The following CACNG7 variants were observed in gnomAD, a reference collection of about 807,000 sequenced individuals.
CACNG7 encodes the protein voltage-dependent calcium channel gamma-7 subunit.
CACNG7 carries 9 observed loss-of-function variants against 26.3 expected under a neutral mutation model. The observed-to-expected ratio is 0.34, with a 90% CI of 0.21 to 0.60. The LOEUF is 0.60. Ranked by LOEUF, CACNG7 falls within the 20% of genes least tolerant of loss-of-function variation. The pLI, the probability that CACNG7 is intolerant of heterozygous loss-of-function variation, is 0.81. For synonymous variants in CACNG7, 170 were observed against 157.0 expected, an observed-to-expected ratio of 1.08 and a Z score of -0.62; for missense variants, 297 against 380.4, an observed-to-expected ratio of 0.78 and a Z score of 1.82.
chr19:53,920,315 G>A (rs1215417835), intron 4 of CACNG7, among the ~76,000 whole-genome samples: 2 of 118,226 alleles, frequency 1.7e-5, no homozygotes, highest in Non-Finnish European at 3.4e-5. Flanking sequence ...CTGGTCATTG[G>A]TGGAGTTGCC....
intron 4 of CACNG7, among the ~76,000 whole-genome samples, chr19:53,922,341 C>T (rs1399558512): frequency 1.0e-5 from 1 of 95,858 alleles, no homozygotes; most frequent in Non-Finnish European, 2.1e-5. Context: ...GAGTTGTCCC[C>T]AGGCCTGGTC....
intron 1 of CACNG7, among the ~76,000 whole-genome samples, chr19:53,910,527 G>C (rs1172808908): frequency 6.6e-6 from 1 of 152,128 alleles, no homozygotes; most frequent in Non-Finnish European, 1.5e-5. Flanking sequence ...TAGTTTGTAG[G>C]GGAGAATGTT....
chr19:53,942,175 G>A lies in CACNG7; in HGVS notation c.710G>A (p.Trp237Ter). The change falls in exon 6 of 6, where the codon TGG becomes TAG. Residue 237 changes from tryptophan (W) to a stop codon, truncating the protein, a stop_gained. Coordinates refer to ENST00000391767, the MANE Select transcript of CACNG7 (RefSeq NM_031896.5). LOFTEE classifies it high-confidence loss of function. This position sits in a 1 kb window ranked among gnomAD's most constrained non-coding sequence, Gnocchi z 5.9. ...GGCCAGTTCCTGCAGCCCGAGGCGTGGCGCCGCGGCCGGAGCCCCTCCGAC... is the reference window on the plus strand; with the variant it reads ...GGCCAGTTCCTGCAGCCCGAGGCGTAGCGCCGCGGCCGGAGCCCCTCCGAC... The part of the protein sequence containing the change: ...YSGQFLQPEA[W>*]RRGRSPSDIS... 1 of 1,614,048 alleles carries A rather than the reference G, an allele frequency of 6.2e-7. No homozygotes were observed. The highest frequency in any genetic ancestry group is 2.2e-5 in the East Asian group (1 of 44,862).
chr19:53,941,998 G>T (rs759102024), intron 5 of CACNG7, 38 bp from the exon 6 acceptor site: 2 of 1,539,910 alleles, frequency 1.3e-6, no homozygotes, highest in Admixed American at 1.9e-5. Context: ...GGATGCGCAG[G>T]GGGGCGCCCC....
Position 53,942,525 on chromosome 19 carries a change from A to C in CACNG7, c.*232A>C. On this transcript the variant is annotated 3_prime_UTR_variant, in exon 6 of 6. Transcript: ENST00000391767. This position sits in a 1 kb window ranked among gnomAD's most constrained non-coding sequence, Gnocchi z 5.9. ...TTTTCATTGGTCCCTCTCACTCCCA[A>C]ATGACTCCTCCCCTTCGTTGGCCCG... 2.2e-6 allele frequency: 3 copies of C among 1,386,676 alleles called. No homozygotes were observed. The highest frequency in any genetic ancestry group is 1.7e-5 in the South Asian group (1 of 57,688). 85.9% of individuals were successfully genotyped at this position (1,386,676 alleles called of 1,614,324 possible). A position where few individuals can be genotyped will look rare whatever the true frequency, so the allele number is the denominator to read the frequency against.
intron 4 of CACNG7, among the ~76,000 whole-genome samples, chr19:53,926,147 G>A (rs377352942): frequency 9.2e-5 from 14 of 152,246 alleles, no homozygotes; most frequent in South Asian, 4.1e-4. Flanking sequence ...CTACCTGTCA[G>A]TCAAAGCTTT....
chr19:53,928,229 G>C (rs1459286160), intron 4 of CACNG7, among the ~76,000 whole-genome samples: 1 of 152,036 alleles, frequency 6.6e-6, no homozygotes, highest in Non-Finnish European at 1.5e-5. Flanking sequence ...TTTCTCATCA[G>C]ACCCTGGTCC....
chr19:53,930,074 CA>C (rs35004784), intron 4 of CACNG7, among the ~76,000 whole-genome samples: 2,354 of 92,532 alleles, frequency 0.025, 15 homozygotes, highest in Middle Eastern at 0.046. Flanking sequence ...CTACATGCTA[CA>C]AAAAAAAAAA....
intron 4 of CACNG7, among the ~76,000 whole-genome samples, chr19:53,932,879 G>C (rs1325054901): frequency 1.4e-5 from 2 of 146,872 alleles, no homozygotes; most frequent in African/African-American, 5.1e-5. Context: ...TTGTCGTCCA[G>C]GCACTGCAAC....
intron 4 of CACNG7, among the ~76,000 whole-genome samples, chr19:53,927,831 T>G (rs1253612055): frequency 8.2e-6 from 1 of 122,292 alleles, no homozygotes. Context: ...AGAGCGAAAC[T>G]CCATCTCAAA....
At chr19:53,917,375 G>C (rs1444871934) in intron 4 of CACNG7, among the ~76,000 whole-genome samples, 1 of 152,076 alleles carries the variant, frequency 6.6e-6, no homozygotes. Context: ...CTGTCCCCTG[G>C]GGCCGGCACT....
At chr19:53,918,082 A>G (rs993113983) in intron 4 of CACNG7, among the ~76,000 whole-genome samples, 1 of 152,244 alleles carries the variant, frequency 6.6e-6, no homozygotes, top group African/African-American at 2.4e-5. Flanking sequence ...ACCCCAAGGT[A>G]TCCAGGCATG....
At chr19:53,923,681 TGTCCCAG>T in intron 4 of CACNG7, among the ~76,000 whole-genome samples, 4 of 143,468 alleles carry the variant, frequency 2.8e-5, no homozygotes, top group African/African-American at 7.9e-5. Context: ...TTGGTGGAGT[TGTCCCAG>T]GCCTGGTCAT....
intron 5 of CACNG7, 65 bp downstream of exon 5, chr19:53,941,680 T>C: frequency 6.4e-7 from 1 of 1,558,386 alleles, no homozygotes. Flanking sequence ...GCCTGGTTCC[T>C]GAGTCCAGGA....
chr19:53,917,892 AT>A (rs2068908841), intron 4 of CACNG7, among the ~76,000 whole-genome samples: 1 of 152,208 alleles, frequency 6.6e-6, no homozygotes, highest in African/African-American at 2.4e-5. Context: ...TCCTAAATCC[AT>A]GCTTATACCA....
rs761141943 is a variant in CACNG7, at chr19:53,912,861, C to T, written c.30C>T (p.Thr10=). ...GTCACTGCAGCAGCCGCGCCCTGACCCTGCTGAGCAGCGTGTTTGGTGCGT... is the reference window on the plus strand; with the variant it reads ...GTCACTGCAGCAGCCGCGCCCTGACTCTGCTGAGCAGCGTGTTTGGTGCGT... MSHCSSRAL[T]LLSSVFGACG... is the part of the protein sequence containing the mutation. Residue 10 remains threonine, a synonymous_variant, in exon 2 of 6, where the codon ACC becomes ACT. Coordinates refer to ENST00000391767, the MANE Select transcript of CACNG7 (RefSeq NM_031896.5). The surrounding 1 kb of genome is among the most constrained non-coding windows in gnomAD (Gnocchi z 4.6). 1 of 1,613,652 alleles carries T rather than the reference C, an allele frequency of 6.2e-7. No individual in the cohort carries two copies. The highest frequency in any genetic ancestry group is 1.1e-5 in the South Asian group (1 of 91,052).
In CACNG7 at chr19:53,926,914, G is replaced by GA. The variant is rs2069035456; in HGVS notation, c.424+11415dup. ...GTCGACAGAACAAGACTCTGTCTCA[G>GA]AAAAAAGAAGAGTGAGGGGGATGCT... On this transcript the variant is annotated intron_variant, in intron 4 of 5. Transcript: ENST00000391767. Among the ~76,000 whole-genome samples, 3 of 151,962 alleles carry GA rather than the reference G, an allele frequency of 2.0e-5. No homozygotes were observed. In the South Asian group the frequency reaches 6.2e-4, roughly 32 times the overall value.
At position 53,928,045 on chromosome 19, in the gene CACNG7, T is replaced by C. The variant is rs1036984574; in HGVS notation, c.424+12540T>C. Among the ~76,000 whole-genome samples the C allele has an allele frequency of 3.6e-5, 5 of 140,114 alleles. 1 individual carries two copies. Among genetic ancestry groups the C allele is most frequent in the South Asian group, 4.6e-4 (2 of 4,338 alleles). The allele number at this position is 140,114 out of a possible 152,430, so 91.9% of individuals were successfully genotyped here. ...GTGGGAGGAGAGTAAGAGAGTTGGA[T>C]TGCAGAGATAGAAAGGAGGAAGGGA... On this transcript the variant is annotated intron_variant, in intron 4 of 5. Transcript: ENST00000391767.
chr19:53,910,359 G>C (rs1441502858), intron 1 of CACNG7, among the ~76,000 whole-genome samples: 3 of 151,672 alleles, frequency 2.0e-5, no homozygotes, highest in Non-Finnish European at 4.4e-5. Context: ...GCCTCCAAGA[G>C]GTTGGGGGGG....
Sources: gnomAD v4.1 joint callset for allele counts (sites outside exome capture counted in the v4.1 genomes callset) on GRCh38, gnomAD v4.1.1 for gene constraint, Gnocchi (gnomAD v3.1) non-coding constraint, MANE v1.5 for transcripts, NCBI Gene and HGNC (gene_info 2026-07-23, HGNC 2026-07-21) for gene names.